CD48: variants seen among roughly 807,000 people sequenced by gnomAD.
The protein encoded by CD48 is CD48 molecule, also known as CD48 antigen.
In CD48, 20 loss-of-function variants were observed where a neutral mutation model predicts 22.0. The observed-to-expected ratio is 0.91, with a 90% confidence interval of 0.64 to 1.32. The LOEUF is 1.32. Among genes scored for constraint, CD48 ranks in the 40% most tolerant of loss-of-function variants. CD48 has a pLI of 0.00. For missense variants in CD48, 307 were observed against 286.5 expected (o/e 1.07, Z -0.52); for synonymous variants, 110 against 110.1 (o/e 1.00, Z 0.01).
intron 3 of CD48, among the ~76,000 whole-genome samples, chr1:160,679,694 T>G (rs1020328769): frequency 6.6e-6 from 1 of 152,068 alleles, no homozygotes; most frequent in Non-Finnish European, 1.5e-5. Context: ...GGAAAGGAGT[T>G]TGAGGGGGCT....
chr1:160,688,066 T>A (rs1662066468), intron 1 of CD48, among the ~76,000 whole-genome samples: 1 of 152,210 alleles, frequency 6.6e-6, no homozygotes, highest in South Asian at 2.1e-4. Flanking sequence ...CACTACCTGA[T>A]CTCCAAGCCA....
At chr1:160,699,997 A>G (rs1285385052) in intron 1 of CD48, among the ~76,000 whole-genome samples, 1 of 152,114 alleles carries the variant, frequency 6.6e-6, no homozygotes, top group African/African-American at 2.4e-5. Flanking sequence ...ACAGGTGTGG[A>G]GGGGCAACCC....
In CD48 at chr1:160,681,220, T is replaced by G. The variant is rs1488702835; in HGVS notation, c.634A>C (p.Ser212Arg). 1 of 1,614,184 alleles carries G rather than the reference T, an allele frequency of 6.2e-7. No homozygotes were observed. The highest frequency in any genetic ancestry group is 8.5e-7 in the Non-Finnish European group (1 of 1,180,016). Residue 212 changes from serine (S) to arginine (R), a missense_variant, in exon 3 of 4, where the codon AGT becomes CGT. Coordinates refer to ENST00000368046, the MANE Select transcript of CD48 (RefSeq NM_001778.4). ...VSSKNGTVCL[S>R]PPCTLARSFG... ...TTCTTACCCAGGGTACAGGGTGGAC[T>G]GAGGCAGACCGTGCCATTCTTGCTG... is the stretch of plus-strand genomic sequence containing the variant.
chr1:160,696,405 T>A (rs1427793705), intron 1 of CD48, among the ~76,000 whole-genome samples: 1 of 152,284 alleles, frequency 6.6e-6, no homozygotes, highest in Non-Finnish European at 1.5e-5. Context: ...TTTATATTAC[T>A]CATATTCGAG....
intron 1 of CD48, among the ~76,000 whole-genome samples, chr1:160,697,766 G>T (rs1249221271): frequency 6.6e-6 from 1 of 152,138 alleles, no homozygotes; most frequent in African/African-American, 2.4e-5. Flanking sequence ...ACAAAACAAT[G>T]AATTCGAAAC....
intron 2 of CD48, chr1:160,683,942 T>G (rs891485824): frequency 6.6e-6 from 1 of 152,126 alleles, no homozygotes; most frequent in Admixed American, 6.5e-5. Context: ...ATCTGATCCT[T>G]TCACCAAAAA....
intron 1 of CD48, among the ~76,000 whole-genome samples, chr1:160,688,937 T>C (rs572828241): frequency 6.5e-4 from 99 of 152,332 alleles, no homozygotes; most frequent in Middle Eastern, 6.8e-3. Flanking sequence ...TGAGTCATTT[T>C]TTAATATTAC....
At chr1:160,707,970 C>T (rs1662841073) in intron 1 of CD48, among the ~76,000 whole-genome samples, 2 of 152,072 alleles carry the variant, frequency 1.3e-5, no homozygotes, top group East Asian at 1.9e-4. Context: ...AGCTTCATTC[C>T]AGTGAATCAA....
chr1:160,694,084 A>AAT (rs1662321987), intron 1 of CD48, among the ~76,000 whole-genome samples: 2 of 109,350 alleles, frequency 1.8e-5, no homozygotes, highest in African/African-American at 3.1e-5. Context: ...TAAATCTAAA[A>AAT]GGAGTTCAAA....
chr1:160,696,513 G>C (rs1214057826), intron 1 of CD48, among the ~76,000 whole-genome samples: 3 of 152,186 alleles, frequency 2.0e-5, no homozygotes, highest in African/African-American at 7.2e-5. Flanking sequence ...TTCATGCTTT[G>C]ACTCATGTAA....
intron 1 of CD48, among the ~76,000 whole-genome samples, chr1:160,706,334 A>G (rs965332235): frequency 6.6e-6 from 1 of 152,124 alleles, no homozygotes; most frequent in Non-Finnish European, 1.5e-5. Context: ...TCGGCCTCCC[A>G]AAGTGCTGGG....
In CD48 at chr1:160,679,114, C is replaced by G; in HGVS notation, c.670G>C (p.Glu224Gln). 6.2e-7 allele frequency: 1 copy of G among 1,614,128 alleles called. No individual in the cohort carries two copies. The highest frequency in any genetic ancestry group is 8.5e-7 in the Non-Finnish European group (1 of 1,180,002). ...ACCACTAGCCAACTTGCAATCCATT[C>G]TACTCCAAAGGACCGGGCTGAAAGA... ...PCTLARSFGV[E>Q]WIASWLVVTV... Residue 224 changes from glutamate (E) to glutamine (Q), a missense_variant, in exon 4 of 4, where the codon GAA (glutamate) becomes CAA (glutamine). Transcript: ENST00000368046.
intron 1 of CD48, among the ~76,000 whole-genome samples, chr1:160,701,883 T>G (rs1227181546): frequency 6.6e-6 from 1 of 152,168 alleles, no homozygotes; most frequent in Admixed American, 6.5e-5. Flanking sequence ...TACTAGGCCC[T>G]CAAACTTTTT....
At chr1:160,710,062 A>G (rs968868349) in intron 1 of CD48, among the ~76,000 whole-genome samples, 2 of 152,220 alleles carry the variant, frequency 1.3e-5, no homozygotes, top group Admixed American at 6.5e-5. Context: ...GAAAGAAGGC[A>G]TGTACATAAG....
intron 1 of CD48, among the ~76,000 whole-genome samples, chr1:160,700,588 G>A (rs1005902175): frequency 7.2e-5 from 11 of 152,148 alleles, no homozygotes; most frequent in Admixed American, 2.6e-4. Flanking sequence ...AGATAACTGG[G>A]CAGTCTGGAT....
chr1:160,690,527 A>G (rs533965133), intron 1 of CD48, among the ~76,000 whole-genome samples: 1 of 152,302 alleles, frequency 6.6e-6, no homozygotes, highest in South Asian at 2.1e-4. Context: ...TGGCATTGAC[A>G]TGAGTGAGAT....
intron 3 of CD48, among the ~76,000 whole-genome samples, chr1:160,680,216 C>G (rs865928240): frequency 6.6e-6 from 1 of 152,142 alleles, no homozygotes; most frequent in Non-Finnish European, 1.5e-5. Flanking sequence ...AGAATGTGTA[C>G]GCTAGGGCTC....
At chr1:160,689,498 G>A (rs1662114862) in intron 1 of CD48, among the ~76,000 whole-genome samples, 1 of 152,170 alleles carries the variant, frequency 6.6e-6, no homozygotes. Context: ...GAGTGCTGAA[G>A]GAGGAAGAGA....
chr1:160,701,999 G>A (rs533993537), intron 1 of CD48, among the ~76,000 whole-genome samples: 3 of 152,186 alleles, frequency 2.0e-5, no homozygotes, highest in Admixed American at 6.5e-5. Flanking sequence ...ATGTCTTATC[G>A]CCTTTGTTTA....
Sources: gnomAD v4.1 joint callset for allele counts (sites outside exome capture counted in the v4.1 genomes callset) on GRCh38, gnomAD v4.1.1 for gene constraint, MANE v1.5 for transcripts, NCBI Gene and HGNC (gene_info 2026-07-23, HGNC 2026-07-21) for gene names.